The following TENM2 variants were observed in gnomAD, a reference collection of about 807,000 sequenced individuals.
The protein encoded by TENM2 is teneurin-2.
TENM2 carries 52 observed loss-of-function variants against 245.2 expected under a neutral mutation model. The observed-to-expected ratio is 0.21, with a 90% confidence interval of 0.17 to 0.27. The LOEUF (loss-of-function observed/expected upper bound fraction) is 0.27, where lower values mean the gene tolerates loss of function less well. Ranked by LOEUF, TENM2 falls within the 10% of genes least tolerant of loss-of-function variation. The pLI is 1.00. For synonymous variants in TENM2, 1,363 were observed against 1,438.9 expected (o/e 0.95, Z 1.19); for missense variants, 3,046 against 3,666.8 (o/e 0.83, Z 4.37).
chr5:167,068,161 C>T, the TENM2 span, among the ~76,000 whole-genome samples: 1 of 152,278 alleles, frequency 6.6e-6, no homozygotes, highest in African/African-American at 2.4e-5. Context: ...TCTTAAGTGA[C>T]ATTTGATGTG....
the TENM2 span, among the ~76,000 whole-genome samples, chr5:167,274,049 A>G: frequency 6.6e-6 from 1 of 152,158 alleles, no homozygotes; most frequent in Admixed American, 6.5e-5. Context: ...ACTGTAGTAC[A>G]ATGTCACAAT....
the TENM2 span, among the ~76,000 whole-genome samples, chr5:167,230,206 T>C: frequency 1.3e-5 from 2 of 152,104 alleles, no homozygotes; most frequent in Non-Finnish European, 1.5e-5. Context: ...GAATTCCCTA[T>C]GTTAGTCTCA....
At chr5:167,764,548 A>G (rs1190484777) in intron 2 of TENM2, among the ~76,000 whole-genome samples, 1 of 151,924 alleles carries the variant, frequency 6.6e-6, no homozygotes, top group African/African-American at 2.4e-5. Flanking sequence ...GAGAGTTCCC[A>G]CTCTTGCCTT....
chr5:167,717,604 T>A (rs1042583138), intron 2 of TENM2, among the ~76,000 whole-genome samples: 19 of 151,856 alleles, frequency 1.3e-4, no homozygotes, highest in Admixed American at 9.8e-4. Flanking sequence ...ATTAATTAAT[T>A]TTTTTTGGCT....
At chr5:167,775,984 A>G (rs942637475) in intron 2 of TENM2, among the ~76,000 whole-genome samples, 8 of 152,334 alleles carry the variant, frequency 5.3e-5, no homozygotes, top group East Asian at 1.9e-4. Flanking sequence ...TTCTAAATGT[A>G]AAACAAAGAG....
intron 2 of TENM2, among the ~76,000 whole-genome samples, chr5:167,635,504 C>T (rs1779135400): frequency 6.6e-6 from 1 of 152,056 alleles, no homozygotes; most frequent in Non-Finnish European, 1.5e-5. Flanking sequence ...TCACCAGTCA[C>T]AATAGTAAAT....
chr5:168,081,463 T>G (rs1791989159), intron 7 of TENM2, among the ~76,000 whole-genome samples: 1 of 152,198 alleles, frequency 6.6e-6, no homozygotes, highest in African/African-American at 2.4e-5. Flanking sequence ...GTGAATTTGA[T>G]CCTGTCATTA....
At position 167,999,919 on chromosome 5, in the gene TENM2, A is replaced by G. The variant is rs143480952; in HGVS notation, c.1186+6737A>G. Among the ~76,000 whole-genome samples, 386 of 152,336 alleles carry G rather than the reference A, an allele frequency of 2.5e-3. 2 individuals are homozygous for G. Among genetic ancestry groups the G allele is most frequent in the African/African-American group, 8.9e-3 (371 of 41,572 alleles). On this transcript the variant is annotated intron_variant, in intron 5 of 28. Coordinates refer to ENST00000518659, the Ensembl canonical transcript of TENM2. ...CCTCAAGAATGCCAAGGAAACAACA[A>G]TGGTATCGTCTGCCAGCCCAGGACT...
At chr5:167,968,565 A>G (rs1387278066) in intron 4 of TENM2, among the ~76,000 whole-genome samples, 1 of 152,246 alleles carries the variant, frequency 6.6e-6, no homozygotes, top group East Asian at 1.9e-4. Flanking sequence ...GCACACCAAT[A>G]ATACGACCTT....
intron 2 of TENM2, among the ~76,000 whole-genome samples, chr5:167,610,639 A>G (rs1317147312): frequency 6.6e-6 from 1 of 152,186 alleles, no homozygotes; most frequent in African/African-American, 2.4e-5. Flanking sequence ...CAAGTACTAT[A>G]ATAAGCTAGA....
At chr5:167,944,705 G>A (rs181458847) in intron 3 of TENM2, among the ~76,000 whole-genome samples, 91 of 152,300 alleles carry the variant, frequency 6.0e-4, no homozygotes, top group African/African-American at 2.0e-3. Flanking sequence ...ACTGCTGATG[G>A]GTATGTTGTA....
intron 2 of TENM2, among the ~76,000 whole-genome samples, chr5:167,759,521 C>T (rs1356563048): frequency 6.6e-6 from 1 of 152,112 alleles, no homozygotes; most frequent in Non-Finnish European, 1.5e-5. Context: ...TTCCCAGGAA[C>T]ACTGAAGAGT....
intron 2 of TENM2, among the ~76,000 whole-genome samples, chr5:167,738,855 G>A (rs1234789883): frequency 6.6e-6 from 1 of 151,912 alleles, no homozygotes; most frequent in Non-Finnish European, 1.5e-5. Flanking sequence ...ATTAGATTAG[G>A]GCCCACCTGA....
intron 2 of TENM2, among the ~76,000 whole-genome samples, chr5:167,872,554 G>T (rs1342575266): frequency 5.1e-5 from 3 of 58,420 alleles, no homozygotes; most frequent in Admixed American, 1.7e-4. Context: ...GAAAGAGAAA[G>T]AAAGAAAGAA....
At chr5:168,124,547 A>G (rs963952867) in intron 10 of TENM2, among the ~76,000 whole-genome samples, 8 of 152,252 alleles carry the variant, frequency 5.3e-5, no homozygotes, top group Non-Finnish European at 7.3e-5. Context: ...AGCACAAGAT[A>G]CTAAAGGTGG....
chr5:167,306,915 A>G (rs1271654222), intron 1 of TENM2, among the ~76,000 whole-genome samples: 1 of 152,228 alleles, frequency 6.6e-6, no homozygotes. Flanking sequence ...TCTGCTAAGG[A>G]CAACCAAGGC....
At chr5:167,328,204 GTTTTTTTT>G (rs70976412) in intron 1 of TENM2, among the ~76,000 whole-genome samples, 1 of 91,016 alleles carries the variant, frequency 1.1e-5, no homozygotes, top group African/African-American at 4.8e-5. Context: ...TTCTCATATC[GTTTTTTTT>G]TTTTTTTTTT....
At chr5:167,152,492 T>C in the TENM2 span, among the ~76,000 whole-genome samples, 1 of 152,220 alleles carries the variant, frequency 6.6e-6, no homozygotes, top group Non-Finnish European at 1.5e-5. Flanking sequence ...TTTAAAATAG[T>C]TCTACAATTT....
At chr5:167,284,476 G>C (rs1771221268), upstream of TENM2, among the ~76,000 whole-genome samples, 1 of 152,192 alleles carries the variant, frequency 6.6e-6, no homozygotes, top group South Asian at 2.1e-4. Context: ...GCATTAGAGT[G>C]ACAGACTGAT....
Sources: gnomAD v4.1 joint callset for allele counts (sites outside exome capture counted in the v4.1 genomes callset) on GRCh38, gnomAD v4.1.1 for gene constraint, MANE v1.5 for transcripts, NCBI Gene and HGNC (gene_info 2026-07-23, HGNC 2026-07-21) for gene names.